Variants in SYT9 observed in about 807,000 individuals in gnomAD.
SYT9 encodes the protein synaptotagmin-9.
In SYT9, 22 loss-of-function variants were observed where a neutral mutation model predicts 48.4. That is an observed-to-expected ratio of 0.45 (90% CI 0.32 to 0.65). The LOEUF (loss-of-function observed/expected upper bound fraction) is 0.65. SYT9 is among the 30% of genes least tolerant of loss of function. The pLI, the probability that SYT9 is intolerant of heterozygous loss-of-function variation, is 0.03. For synonymous variants in SYT9, 265 were observed against 245.0 expected, an observed-to-expected ratio of 1.08 and a Z score of -0.76; for missense variants, 577 against 622.0, an observed-to-expected ratio of 0.93 and a Z score of 0.77.
At chr11:7,255,034 T>A (rs7933043) in intron 1 of SYT9, among the ~76,000 whole-genome samples, 1 of 151,620 alleles carries the variant, frequency 6.6e-6, no homozygotes, top group Non-Finnish European at 1.5e-5. Flanking sequence ...TAAGTCACAG[T>A]TGGAACTGAA....
chr11:7,439,859 C>T (rs1847795194), intron 6 of SYT9: 2 of 152,348 alleles, frequency 1.3e-5, no homozygotes, highest in South Asian at 4.1e-4. Context: ...TGGGGACATG[C>T]TCCCAGAAAG....
intron 1 of SYT9, among the ~76,000 whole-genome samples, chr11:7,291,142 G>T (rs966055641): frequency 1.3e-5 from 2 of 152,150 alleles, no homozygotes; most frequent in Non-Finnish European, 2.9e-5. Context: ...TCCCTCTAGG[G>T]CCTCCTTTTG....
chr11:7,287,514 TCTC>T (rs1327098413), intron 1 of SYT9, among the ~76,000 whole-genome samples: 1 of 152,196 alleles, frequency 6.6e-6, no homozygotes, highest in African/African-American at 2.4e-5. Flanking sequence ...GTCTACTTCT[TCTC>T]AAGACAACAT....
intron 3 of SYT9, among the ~76,000 whole-genome samples, chr11:7,396,864 G>A (rs760749953): frequency 6.6e-5 from 10 of 152,208 alleles, no homozygotes; most frequent in East Asian, 5.8e-4. Flanking sequence ...TTGTCAGATT[G>A]TCTGAAATAT....
At chr11:7,344,262 T>C (rs1849761995) in intron 3 of SYT9, among the ~76,000 whole-genome samples, 1 of 152,180 alleles carries the variant, frequency 6.6e-6, no homozygotes. Flanking sequence ...TTCGTTTTTA[T>C]TATTGAGTTG....
At chr11:7,408,374 C>T (rs540761737) in intron 3 of SYT9, among the ~76,000 whole-genome samples, 2 of 152,224 alleles carry the variant, frequency 1.3e-5, no homozygotes, top group Non-Finnish European at 2.9e-5. Context: ...GTGATCCACT[C>T]GCCTCAGCCT....
intron 1 of SYT9, among the ~76,000 whole-genome samples, chr11:7,286,645 A>C (rs1427321831): frequency 2.0e-5 from 3 of 152,160 alleles, no homozygotes; most frequent in Non-Finnish European, 4.4e-5. Flanking sequence ...CCAAACTTTT[A>C]TGCTCTGCTT....
chr11:7,407,204 T>C (rs1847032624), intron 3 of SYT9, among the ~76,000 whole-genome samples: 1 of 152,080 alleles, frequency 6.6e-6, no homozygotes, highest in Admixed American at 6.5e-5. Context: ...TTAAATTTAA[T>C]AAATTTAATA....
intron 3 of SYT9, among the ~76,000 whole-genome samples, chr11:7,391,472 T>C (rs1846609077): frequency 6.6e-6 from 1 of 152,128 alleles, no homozygotes; most frequent in South Asian, 2.1e-4. Flanking sequence ...ACATCTGCTA[T>C]TTTTTGACTT....
At chr11:7,283,651 C>A (rs1848544473) in intron 1 of SYT9, among the ~76,000 whole-genome samples, 1 of 152,104 alleles carries the variant, frequency 6.6e-6, no homozygotes. Context: ...ATTAACTGAT[C>A]CCAATCGCAT....
In SYT9 at chr11:7,313,462, CA is replaced by C; in HGVS notation, c.566del (p.Gln189ArgfsTer4). 6.2e-7 allele frequency: 1 copy of C among 1,614,014 alleles called. No individual in the cohort carries two copies. Among genetic ancestry groups the C allele is most frequent in the Non-Finnish European group, 8.5e-7 (1 of 1,179,976 alleles). The part of the protein sequence containing the change: ...PDFNIQQLQK[Q>X]EQLTGIGRIK... Reference sequence around the variant, plus strand: ...CTTCAATATCCAGCAGCTTCAAAAACAGGAACAGTTGACTGGAATTGGTAGA... The same window carrying C: ...CTTCAATATCCAGCAGCTTCAAAAACGGAACAGTTGACTGGAATTGGTAGA... On this transcript the variant is annotated frameshift_variant, in exon 3 of 7. Transcript: ENST00000318881. LOFTEE classifies it high-confidence loss of function.
intron 3 of SYT9, among the ~76,000 whole-genome samples, chr11:7,381,562 G>T: frequency 6.6e-6 from 1 of 152,198 alleles, no homozygotes; most frequent in East Asian, 1.9e-4. Flanking sequence ...GAAAAGCAGA[G>T]TACCTGGTAA....
rs2133952329 is a variant in SYT9, at chr11:7,313,338, T to C, written c.498-57T>C. The C allele has an allele frequency of 1.6e-5, 25 of 1,519,892 alleles. 1 individual carries two copies. In the South Asian group the frequency reaches 3.4e-4, roughly 21 times the overall value. 94.2% of individuals were successfully genotyped at this position (1,519,892 alleles called of 1,614,324 possible). A position where few individuals can be genotyped will look rare whatever the true frequency, so the allele number is the denominator to read the frequency against. On this transcript the variant is annotated intron_variant, in intron 2 of 6. Transcript: ENST00000318881. ...TACCTACATCCCAGGCAAAAGTTTC[T>C]GAGAGACCCATAGCTAATAAGGTTA...
intron 3 of SYT9, among the ~76,000 whole-genome samples, chr11:7,386,458 AAAAAC>A (rs1850659772): frequency 6.6e-6 from 1 of 151,988 alleles, no homozygotes; most frequent in South Asian, 2.1e-4. Flanking sequence ...CAAGAAAAAA[AAAAAC>A]AACCCCATCA....
chr11:7,267,316 C>T (rs569701815), intron 1 of SYT9, among the ~76,000 whole-genome samples: 7 of 151,688 alleles, frequency 4.6e-5, no homozygotes, highest in Admixed American at 1.3e-4. Flanking sequence ...ATCATGTTCA[C>T]GAAACATTTA....
intron 1 of SYT9, among the ~76,000 whole-genome samples, chr11:7,266,813 G>A (rs1343490017): frequency 6.6e-6 from 1 of 151,974 alleles, no homozygotes; most frequent in Non-Finnish European, 1.5e-5. Context: ...TTGACCCAGG[G>A]AAACTCCTGG....
intron 3 of SYT9, among the ~76,000 whole-genome samples, chr11:7,414,485 T>C (rs892960370): frequency 6.6e-6 from 1 of 152,228 alleles, no homozygotes; most frequent in African/African-American, 2.4e-5. Flanking sequence ...ACACTGCTCC[T>C]GCAATGGGGA....
chr11:7,283,013 G>A (rs1490377752), intron 1 of SYT9, among the ~76,000 whole-genome samples: 1 of 151,292 alleles, frequency 6.6e-6, no homozygotes, highest in East Asian at 1.9e-4. Flanking sequence ...GAATGGACCT[G>A]TGGGTCCACT....
intron 3 of SYT9, among the ~76,000 whole-genome samples, chr11:7,328,111 AT>A (rs995158240): frequency 2.0e-5 from 3 of 149,486 alleles, no homozygotes; most frequent in African/African-American, 7.4e-5. Flanking sequence ...TTTAAAAAAA[AT>A]TTTTCTTTTA....
Sources: gnomAD v4.1 joint callset for allele counts (sites outside exome capture counted in the v4.1 genomes callset) on GRCh38, gnomAD v4.1.1 for gene constraint, MANE v1.5 for transcripts, NCBI Gene and HGNC (gene_info 2026-07-23, HGNC 2026-07-21) for gene names.